Variants in NRG3 observed in about 807,000 individuals in gnomAD.
The protein encoded by NRG3 is neuregulin 3.
In NRG3, 31 loss-of-function variants were observed where a neutral mutation model predicts 66.9. The ratio of observed to expected loss-of-function variants is 0.46; its 90% CI spans 0.35 to 0.63. NRG3 has a LOEUF of 0.63. Among genes scored for constraint, NRG3 ranks in the 20% least tolerant of loss-of-function variants. The pLI is 0.00. For missense variants in NRG3, 910 were observed against 878.9 expected (o/e 1.04, Z -0.45); for synonymous variants, 393 against 359.4 (o/e 1.09, Z -1.06).
chr10:82,472,518 C>A (rs1279277888), intron 2 of NRG3, among the ~76,000 whole-genome samples: 4 of 152,176 alleles, frequency 2.6e-5, no homozygotes, highest in Admixed American at 1.3e-4. Context: ...ACAATATTTT[C>A]AAATGGGTTA....
chr10:82,665,077 GA>G, intron 2 of NRG3, among the ~76,000 whole-genome samples: 1 of 152,006 alleles, frequency 6.6e-6, no homozygotes, highest in African/African-American at 2.4e-5. Flanking sequence ...CTCCATATTT[GA>G]TGAATATCCT....
rs564832950 is a variant in NRG3, at chr10:82,897,644, G to A, written c.1054+32207G>A. ...AGTGATTCTCCTGCCTCAGCCTCCC[G>A]AGTAGCTGGGATTATAGATGTGCGC... On this transcript the variant is annotated intron_variant, in intron 4 of 8. Coordinates refer to ENST00000372141, the MANE Select transcript of NRG3 (RefSeq NM_001010848.4). 5.9e-5 allele frequency among the ~76,000 whole-genome samples: 9 copies of A among 152,050 alleles called. No homozygotes were observed. In the East Asian group the frequency reaches 1.4e-3, roughly 23 times the overall value.
chr10:81,962,940 C>T (rs1250261587), intron 1 of NRG3, among the ~76,000 whole-genome samples: 1 of 152,058 alleles, frequency 6.6e-6, no homozygotes, highest in African/African-American at 2.4e-5. Flanking sequence ...CAGTTAAGAC[C>T]TCTGCTTATA....
chr10:82,121,343 G>A (rs771596722), intron 1 of NRG3, among the ~76,000 whole-genome samples: 1 of 152,164 alleles, frequency 6.6e-6, no homozygotes, highest in Non-Finnish European at 1.5e-5. Context: ...TATTGGATCT[G>A]CCATTGTACC....
intron 2 of NRG3, among the ~76,000 whole-genome samples, chr10:82,601,933 G>T (rs2047663577): frequency 6.9e-6 from 1 of 144,728 alleles, no homozygotes; most frequent in Admixed American, 6.9e-5. Context: ...TATATATATA[G>T]TTAACTAGGC....
intron 3 of NRG3, among the ~76,000 whole-genome samples, chr10:82,777,309 T>G (rs187150780): frequency 1.3e-5 from 2 of 152,226 alleles, no homozygotes; most frequent in Non-Finnish European, 2.9e-5. Flanking sequence ...CTGTTTATGT[T>G]TACCCACAGT....
chr10:82,446,590 A>T (rs531857621), intron 2 of NRG3, among the ~76,000 whole-genome samples: 1 of 152,306 alleles, frequency 6.6e-6, no homozygotes, highest in East Asian at 1.9e-4. Flanking sequence ...AACGATGCGA[A>T]CACATGGACA....
intron 1 of NRG3, among the ~76,000 whole-genome samples, chr10:81,878,738 A>G (rs763208798): frequency 7.2e-5 from 11 of 152,084 alleles, no homozygotes; most frequent in Admixed American, 1.3e-4. Flanking sequence ...GTAGTACTTG[A>G]AAAAAGGTTA....
chr10:82,910,934 C>T (rs1434917411), intron 4 of NRG3, among the ~76,000 whole-genome samples: 2 of 152,146 alleles, frequency 1.3e-5, no homozygotes, highest in African/African-American at 4.8e-5. Flanking sequence ...CAACATCTGG[C>T]CTATGGCTAT....
chr10:82,625,857 G>GA (rs1337328386), intron 2 of NRG3, among the ~76,000 whole-genome samples: 2 of 152,122 alleles, frequency 1.3e-5, no homozygotes, highest in Non-Finnish European at 2.9e-5. Flanking sequence ...GAAGGAACAG[G>GA]AAAAATGGGC....
At chr10:82,047,709 C>T (rs1467144233) in intron 1 of NRG3, among the ~76,000 whole-genome samples, 1 of 150,622 alleles carries the variant, frequency 6.6e-6, no homozygotes, top group Non-Finnish European at 1.5e-5. Flanking sequence ...GCAAAACAAC[C>T]AGCTAACATC....
chr10:82,367,985 AGAGT>A (rs1481228542), intron 2 of NRG3, among the ~76,000 whole-genome samples: 2 of 152,334 alleles, frequency 1.3e-5, no homozygotes, highest in Non-Finnish European at 2.9e-5. Context: ...CCTAGGTGAC[AGAGT>A]GAGACTCCAT....
chr10:82,472,823 G>T (rs1590250271), intron 2 of NRG3, among the ~76,000 whole-genome samples: 1 of 152,100 alleles, frequency 6.6e-6, no homozygotes, highest in Non-Finnish European at 1.5e-5. Flanking sequence ...ATTTTGTTTT[G>T]ATTTTTCTTA....
At chr10:81,928,604 G>T (rs11191834) in intron 1 of NRG3, among the ~76,000 whole-genome samples, 3 of 152,052 alleles carry the variant, frequency 2.0e-5, no homozygotes, top group Admixed American at 1.3e-4. Context: ...ACATGAAACT[G>T]CCCTCCCTGC....
intron 4 of NRG3, among the ~76,000 whole-genome samples, chr10:82,950,035 G>A (rs978355693): frequency 1.3e-5 from 2 of 152,048 alleles, no homozygotes; most frequent in African/African-American, 4.8e-5. Flanking sequence ...CAGACCAGTA[G>A]CATCAGAATC....
At chr10:82,062,473 G>GTC (rs2064209920) in intron 1 of NRG3, among the ~76,000 whole-genome samples, 2 of 152,154 alleles carry the variant, frequency 1.3e-5, no homozygotes, top group Admixed American at 6.5e-5. Flanking sequence ...GTGCATGGTG[G>GTC]TGTGCGCCTG....
intron 4 of NRG3, among the ~76,000 whole-genome samples, chr10:82,923,266 G>A (rs900412750): frequency 4.6e-5 from 7 of 152,264 alleles, no homozygotes; most frequent in African/African-American, 9.6e-5. Context: ...ACATCCTACT[G>A]TTCCTCTCTC....
intron 2 of NRG3, among the ~76,000 whole-genome samples, chr10:82,694,323 C>T (rs572252729): frequency 3.0e-4 from 46 of 152,224 alleles, no homozygotes; most frequent in Non-Finnish European, 5.6e-4. Context: ...CCAGGAAGTC[C>T]AGCTGGCTTC....
chr10:81,933,841 TG>T (rs1303030844), intron 1 of NRG3, among the ~76,000 whole-genome samples: 2 of 152,238 alleles, frequency 1.3e-5, no homozygotes, highest in African/African-American at 2.4e-5. Flanking sequence ...TTACACTCAT[TG>T]TTTTTTCTAT....
Sources: allele counts gnomAD v4.1 joint callset (sites outside exome capture counted in the v4.1 genomes callset), GRCh38; gene constraint gnomAD v4.1.1; transcripts MANE v1.5; gene names NCBI Gene and HGNC (gene_info 2026-07-23, HGNC 2026-07-21).